The following PCDH11X variants were observed in gnomAD, a reference collection of about 807,000 sequenced individuals.
PCDH11X encodes protocadherin-11 X-linked.
Under a neutral mutation model 53.3 loss-of-function variants are expected in PCDH11X, and 18 were observed. The ratio of observed to expected loss-of-function variants is 0.34; its 90% CI spans 0.23 to 0.50. The LOEUF (loss-of-function observed/expected upper bound fraction) is 0.50, where lower values mean the gene tolerates loss of function less well. PCDH11X is among the 20% of genes least tolerant of loss of function. PCDH11X has a pLI of 0.98. For synonymous variants in PCDH11X, 279 were observed against 393.3 expected (o/e 0.71, Z 3.44); for missense variants, 570 against 1,032.4 (o/e 0.55, Z 6.14).
intron 5 of PCDH11X, among the ~76,000 whole-genome samples, chrX:91,853,508 A>G (rs190348165): frequency 0.01 from 1,151 of 109,941 alleles, 17 homozygotes; most frequent in African/African-American, 0.037. Flanking sequence ...CAGCTAGTAA[A>G]GGAAGTTTTA....
At chrX:91,958,468 G>T (rs1348586461) in intron 6 of PCDH11X, among the ~76,000 whole-genome samples, 2 of 111,233 alleles carry the variant, frequency 1.8e-5, no homozygotes, top group African/African-American at 6.6e-5. Flanking sequence ...GGCCCTGGTG[G>T]TGTGGGCTCA....
intron 4 of PCDH11X, among the ~76,000 whole-genome samples, chrX:91,826,348 C>T (rs1387812790): frequency 1.8e-5 from 2 of 111,178 alleles, no homozygotes; most frequent in African/African-American, 6.6e-5. Flanking sequence ...CCAGGCTGAA[C>T]CCAGTACATG....
intron 6 of PCDH11X, among the ~76,000 whole-genome samples, chrX:92,117,436 C>CAAA (rs10628988): frequency 6.3e-5 from 6 of 95,235 alleles, no homozygotes; most frequent in East Asian, 6.7e-4. Context: ...AACTCTGTCT[C>CAAA]AAAAAAAAAA....
intron 6 of PCDH11X, among the ~76,000 whole-genome samples, chrX:92,107,477 C>T (rs1484165143): frequency 3.6e-5 from 4 of 112,309 alleles, no homozygotes; most frequent in Non-Finnish European, 7.5e-5. Context: ...TGGCTCACGC[C>T]TGTAATCCCA....
intron 7 of PCDH11X, among the ~76,000 whole-genome samples, chrX:92,249,493 C>A (rs2067417269): frequency 8.9e-6 from 1 of 112,336 alleles, no homozygotes; most frequent in Non-Finnish European, 1.9e-5. Context: ...GCAATCTTTT[C>A]AGAAAGCAGA....
chrX:92,124,764 T>G (rs1176118697), intron 6 of PCDH11X, among the ~76,000 whole-genome samples: 2 of 110,494 alleles, frequency 1.8e-5, no homozygotes, highest in African/African-American at 6.7e-5. Flanking sequence ...AATTAATATA[T>G]TTGAACTAAA....
intron 6 of PCDH11X, among the ~76,000 whole-genome samples, chrX:91,968,260 T>G (rs1483488203): frequency 8.9e-6 from 1 of 111,744 alleles, no homozygotes; most frequent in South Asian, 3.7e-4. Flanking sequence ...TGTGCTGTTT[T>G]AATATTTTTT....
intron 6 of PCDH11X, among the ~76,000 whole-genome samples, chrX:91,926,113 C>CACAT (rs1555964030): frequency 9.0e-5 from 8 of 88,507 alleles, no homozygotes; most frequent in South Asian, 5.5e-4. Flanking sequence ...CACACACACA[C>CACAT]ATATATATAT....
At chrX:92,245,636 G>A (rs1158859342) in intron 7 of PCDH11X, among the ~76,000 whole-genome samples, 2 of 112,063 alleles carry the variant, frequency 1.8e-5, no homozygotes, top group African/African-American at 6.5e-5. Context: ...GAATGAATGA[G>A]TGGGTTAGAA....
At chrX:91,873,082 G>A (rs1336147439) in intron 5 of PCDH11X, among the ~76,000 whole-genome samples, 1 of 107,044 alleles carries the variant, frequency 9.3e-6, no homozygotes, top group Non-Finnish European at 1.9e-5. Flanking sequence ...AAATCCCGTG[G>A]ACAATATTAA....
intron 8 of PCDH11X, among the ~76,000 whole-genome samples, chrX:92,339,416 C>T (rs1438612811): frequency 1.8e-5 from 2 of 111,937 alleles, no homozygotes; most frequent in African/African-American, 6.5e-5. Context: ...AGCCCATTCT[C>T]GCATTGCTAT....
At chrX:92,491,326 T>A (rs1191519211) in intron 10 of PCDH11X, among the ~76,000 whole-genome samples, 1 of 111,277 alleles carries the variant, frequency 9.0e-6, no homozygotes, top group African/African-American at 3.3e-5. Flanking sequence ...GCAAGTATAG[T>A]GCATTCCTCC....
At chrX:92,380,735 A>G (rs1366837761) in intron 8 of PCDH11X, among the ~76,000 whole-genome samples, 1 of 110,695 alleles carries the variant, frequency 9.0e-6, no homozygotes, top group East Asian at 2.8e-4. Flanking sequence ...TCTTTCTACT[A>G]GTTTGTATTC....
rs376861436 is a variant in PCDH11X at position 91,925,107 on chromosome X, A to G, written c.3033+45834A>G. On this transcript the variant is annotated intron_variant, in intron 6 of 10. Coordinates refer to ENST00000682573, the MANE Select transcript of PCDH11X (RefSeq NM_032968.5). ...CCTCAACTTACAGTGGGGTTACATT[A>G]TGATAAACCCACAGTAAATTAAAAA... Among the ~76,000 whole-genome samples, 29 of 110,255 alleles carry G rather than the reference A, an allele frequency of 2.6e-4. No homozygotes were observed. The South Asian group carries it at 0.011, about 41-fold the overall frequency.
At chrX:92,114,823 CATTT>C (rs200665364) in intron 6 of PCDH11X, among the ~76,000 whole-genome samples, 1 of 108,925 alleles carries the variant, frequency 9.2e-6, no homozygotes, top group Admixed American at 1.0e-4. Flanking sequence ...CTGTCCTTTC[CATTT>C]ATTTATTTAT....
At chrX:92,048,640 C>T (rs910609747) in intron 6 of PCDH11X, among the ~76,000 whole-genome samples, 5 of 111,697 alleles carry the variant, frequency 4.5e-5, no homozygotes, top group East Asian at 2.8e-4. Flanking sequence ...GAAAGTGCTA[C>T]GTGTTAAATG....
At chrX:92,039,598 C>T (rs2063179991) in intron 6 of PCDH11X, among the ~76,000 whole-genome samples, 1 of 111,587 alleles carries the variant, frequency 9.0e-6, no homozygotes, top group Non-Finnish European at 1.9e-5. Flanking sequence ...GCCTGGGACT[C>T]ACCCTTCATG....
At chrX:92,463,705 G>A (rs1234879753) in intron 9 of PCDH11X, among the ~76,000 whole-genome samples, 4 of 111,299 alleles carry the variant, frequency 3.6e-5, no homozygotes, top group South Asian at 3.8e-4. Flanking sequence ...TCTTTGAAGC[G>A]CGTAAACACT....
chrX:92,066,973 G>A (rs1232699648), intron 6 of PCDH11X, among the ~76,000 whole-genome samples: 5 of 111,645 alleles, frequency 4.5e-5, no homozygotes, highest in Non-Finnish European at 7.5e-5. Context: ...GCATGGTGGT[G>A]CATGCCTGTA....
Sources: allele counts gnomAD v4.1 joint callset (sites outside exome capture counted in the v4.1 genomes callset), GRCh38; gene constraint gnomAD v4.1.1; transcripts MANE v1.5; gene names NCBI Gene and HGNC (gene_info 2026-07-23, HGNC 2026-07-21).